Variants in LRTM3 observed in about 807,000 individuals in gnomAD.
The protein encoded by LRTM3 is leucine rich repeat transmembrane protein 3.
At chr13:102,735,955 A>G in the LRTM3 span, 25 of 1,547,344 alleles carry the variant, frequency 1.6e-5, no homozygotes, top group Admixed American at 3.9e-5. Context: ...AGTTCTTTCC[A>G]TTGCATAGAA....
At chr13:102,736,922 G>C in the LRTM3 span, 2 of 1,551,096 alleles carry the variant, frequency 1.3e-6, no homozygotes, top group Non-Finnish European at 1.7e-6. Flanking sequence ...AAAAGATCTT[G>C]TTACTCCTTG....
At chr13:102,744,611 C>T in the LRTM3 span, 2 of 1,550,628 alleles carry the variant, frequency 1.3e-6, no homozygotes, top group African/African-American at 1.4e-5. Flanking sequence ...CCAAGATCTG[C>T]CTTCGGGACT....
the LRTM3 span, chr13:102,747,935 G>T: frequency 6.4e-7 from 1 of 1,551,114 alleles, no homozygotes; most frequent in African/African-American, 1.4e-5. Context: ...GAAGCCTTGT[G>T]TCAGCTCTGA....
chr13:102,743,858 C>T, the LRTM3 span: 2 of 1,545,148 alleles, frequency 1.3e-6, no homozygotes, highest in South Asian at 2.4e-5. Flanking sequence ...TGCTGTGTTC[C>T]TCTGGTTTTT....
chr13:102,746,021 G>A, the LRTM3 span: 15 of 1,551,044 alleles, frequency 9.7e-6, no homozygotes, highest in Non-Finnish European at 1.0e-5. Flanking sequence ...AGCTTTGGGA[G>A]GTGGAATCTT....
chr13:102,742,147 C>G, the LRTM3 span: 1 of 1,550,428 alleles, frequency 6.4e-7, no homozygotes, highest in East Asian at 2.4e-5. Flanking sequence ...CATAAACAGC[C>G]TTTAGAACTC....
At chr13:102,737,852 A>AT in the LRTM3 span, 4 of 1,550,462 alleles carry the variant, frequency 2.6e-6, no homozygotes, top group Non-Finnish European at 3.5e-6. Flanking sequence ...TCTTGTGTCC[A>AT]ATATATAATG....
chr13:102,739,077 A>G, the LRTM3 span: 3 of 1,550,376 alleles, frequency 1.9e-6, no homozygotes, highest in African/African-American at 1.4e-5. Flanking sequence ...CCTCTCATGT[A>G]TACCTCTTTT....
the LRTM3 span, chr13:102,745,062 C>T: frequency 5.8e-6 from 9 of 1,550,668 alleles, no homozygotes; most frequent in Admixed American, 2.0e-5. Flanking sequence ...TTCTTTGTCT[C>T]CTCTCTTTGT....
the LRTM3 span, among the ~76,000 whole-genome samples, chr13:102,752,983 G>A: frequency 7.4e-4 from 112 of 152,228 alleles, no homozygotes; most frequent in African/African-American, 1.7e-3. Flanking sequence ...GAGACACCAT[G>A]GACATGCATA....
the LRTM3 span, among the ~76,000 whole-genome samples, chr13:102,754,666 G>T: frequency 2.0e-5 from 3 of 152,208 alleles, no homozygotes; most frequent in Admixed American, 2.0e-4. Flanking sequence ...GCCATGCATA[G>T]GGTTCCCATT....
chr13:102,730,559 T>A, the LRTM3 span: 1 of 1,551,910 alleles, frequency 6.4e-7, no homozygotes. Context: ...AACTTGAGTA[T>A]CTTTCTTCCT....
chr13:102,733,329 T>C, the LRTM3 span: 1 of 1,551,404 alleles, frequency 6.4e-7, no homozygotes. Context: ...ATTCTATCAT[T>C]ACTTTGTCCA....
the LRTM3 span, chr13:102,731,722 A>G: frequency 6.4e-6 from 10 of 1,551,434 alleles, no homozygotes; most frequent in Non-Finnish European, 7.8e-6. Flanking sequence ...TGACTTCGCT[A>G]CTTTTAACTT....
At chr13:102,745,243 C>T in the LRTM3 span, 7 of 1,550,874 alleles carry the variant, frequency 4.5e-6, no homozygotes, top group Non-Finnish European at 6.1e-6. Flanking sequence ...CCTCCTGTTT[C>T]CTTTCTTCTT....
the LRTM3 span, chr13:102,742,826 GC>G: frequency 6.4e-7 from 1 of 1,550,460 alleles, no homozygotes; most frequent in Non-Finnish European, 8.7e-7. Flanking sequence ...ATTACAGAAA[GC>G]ATTTTCTTTT....
the LRTM3 span, chr13:102,744,215 G>A: frequency 6.5e-7 from 1 of 1,550,338 alleles, no homozygotes; most frequent in Non-Finnish European, 8.7e-7. Flanking sequence ...TAGTTGCTTT[G>A]CCTTCAAAGT....
the LRTM3 span, chr13:102,743,493 T>C: frequency 2.6e-6 from 4 of 1,548,872 alleles, no homozygotes; most frequent in Admixed American, 2.0e-5. Context: ...ATCTGTGAAA[T>C]TGGTGGTTTC....
chr13:102,745,060 C>A, the LRTM3 span: 1 of 1,550,772 alleles, frequency 6.4e-7, no homozygotes, highest in South Asian at 1.2e-5. Context: ...ATTTCTTTGT[C>A]TCCTCTCTTT....
Sources: allele counts gnomAD v4.1 joint callset (sites outside exome capture counted in the v4.1 genomes callset), GRCh38; gene constraint gnomAD v4.1.1; transcripts MANE v1.5; gene names NCBI Gene and HGNC (gene_info 2026-07-23, HGNC 2026-07-21).